The following RBMS3 variants were observed in gnomAD, a reference collection of about 807,000 sequenced individuals.
RBMS3 encodes the protein RNA-binding motif, single-stranded-interacting protein 3.
A neutral mutation model predicts 66.8 loss-of-function variants in RBMS3; 27 were observed. The ratio of observed to expected loss-of-function variants is 0.40; its 90% confidence interval spans 0.30 to 0.56. The LOEUF is 0.56. Among genes scored for constraint, RBMS3 ranks in the 20% least tolerant of loss-of-function variants. The probability of loss-of-function intolerance (pLI) is 0.40; values close to 1 mark genes in which losing one functional copy is unlikely to be tolerated. For synonymous variants in RBMS3, 188 were observed against 183.0 expected (o/e 1.03, Z -0.22); for missense variants, 513 against 549.5 (o/e 0.93, Z 0.66).
intron 5 of RBMS3, among the ~76,000 whole-genome samples, chr3:29,745,898 T>TA (rs3836344): frequency 0.44 from 64,506 of 147,858 alleles, 13,943 homozygotes; most frequent in South Asian, 0.55. Flanking sequence ...TTTCATTAAG[T>TA]AAAAAAAAAA....
chr3:29,914,465 C>G (rs930037715), intron 10 of RBMS3, among the ~76,000 whole-genome samples: 1 of 151,834 alleles, frequency 6.6e-6, no homozygotes, highest in Non-Finnish European at 1.5e-5. Context: ...AATTCGCTCA[C>G]TTTTCATAGT....
At chr3:29,525,912 C>T (rs1017601956) in intron 3 of RBMS3, among the ~76,000 whole-genome samples, 1 of 152,082 alleles carries the variant, frequency 6.6e-6, no homozygotes, top group East Asian at 1.9e-4. Context: ...TGTTTTCCAG[C>T]GATTTTCTGC....
chr3:29,508,855 G>C (rs1311070058), intron 3 of RBMS3, among the ~76,000 whole-genome samples: 2 of 151,436 alleles, frequency 1.3e-5, no homozygotes, highest in Non-Finnish European at 2.9e-5. Flanking sequence ...ATCCTCTCCA[G>C]CATCTGTTGT....
chr3:29,971,103 C>T (rs1414612657), intron 12 of RBMS3, among the ~76,000 whole-genome samples: 1 of 152,014 alleles, frequency 6.6e-6, no homozygotes. Flanking sequence ...TTCTCTCTTC[C>T]CATCTTTCTT....
In RBMS3 at chr3:29,535,639, G is replaced by C. The variant is rs114617406; in HGVS notation, c.307+47140G>C. On this transcript the variant is annotated intron_variant, in intron 3 of 14. Transcript: ENST00000383767. Reference sequence around the variant, plus strand: ...TAGAAGCACTAGTTGTAAAGAATTTGTAAGACCTATAAAACAGATGTCTAT... The same window carrying C: ...TAGAAGCACTAGTTGTAAAGAATTTCTAAGACCTATAAAACAGATGTCTAT... Among the ~76,000 whole-genome samples, 726 of 137,188 alleles carry C rather than the reference G, an allele frequency of 5.3e-3. 1 individual carries two copies. The highest frequency in any genetic ancestry group is 8.0e-3 in the Non-Finnish European group (520 of 65,030). The allele number at this position is 137,188 out of a possible 152,430, so 90.0% of individuals were successfully genotyped here.
intron 4 of RBMS3, chr3:29,696,968 AC>A: frequency 2.1e-6 from 2 of 960,990 alleles, no homozygotes; most frequent in South Asian, 9.8e-5. Flanking sequence ...TTTTGTAGGT[AC>A]CCCTAGTAGT....
intron 3 of RBMS3, among the ~76,000 whole-genome samples, chr3:29,531,491 C>T (rs1179260974): frequency 1.3e-5 from 2 of 152,132 alleles, no homozygotes; most frequent in Non-Finnish European, 2.9e-5. Context: ...TCAATTTTTT[C>T]ACTTCATTTA....
chr3:29,709,605 A>T (rs1343080624), intron 4 of RBMS3, among the ~76,000 whole-genome samples: 2 of 152,168 alleles, frequency 1.3e-5, no homozygotes, highest in Non-Finnish European at 2.9e-5. Flanking sequence ...ATCAGTACTC[A>T]CTGATGCTGC....
chr3:29,962,016 T>A (rs1181578780), intron 12 of RBMS3, among the ~76,000 whole-genome samples: 2 of 146,176 alleles, frequency 1.4e-5, no homozygotes, highest in Non-Finnish European at 3.0e-5. Context: ...TATATATTTT[T>A]ATATATATTT....
chr3:29,746,473 T>C (rs888476118), intron 5 of RBMS3, among the ~76,000 whole-genome samples: 2 of 152,242 alleles, frequency 1.3e-5, no homozygotes, highest in African/African-American at 4.8e-5. Flanking sequence ...GTTGTATGTT[T>C]CATTCTTTTT....
intron 4 of RBMS3, among the ~76,000 whole-genome samples, chr3:29,681,343 T>C (rs570843726): frequency 5.5e-4 from 84 of 152,330 alleles, no homozygotes; most frequent in Non-Finnish European, 1.1e-3. Flanking sequence ...TATTTTTTTT[T>C]CTTCAGCTTT....
At chr3:29,281,836 ATTAG>A in intron 1 of RBMS3, 80 bp downstream of exon 1, 1 of 1,214,474 alleles carries the variant, frequency 8.2e-7, no homozygotes, top group Non-Finnish European at 1.2e-6. Context: ...CGTGTGAATT[ATTAG>A]TTAACCCCCA....
At chr3:29,585,271 G>C (rs1419095119) in intron 3 of RBMS3, among the ~76,000 whole-genome samples, 2 of 152,098 alleles carry the variant, frequency 1.3e-5, no homozygotes, top group Non-Finnish European at 2.9e-5. Flanking sequence ...ACAAATGTAC[G>C]ATTAAATGAG....
rs71091081 is a variant in RBMS3, at chr3:29,853,423, C to CTTTT, written c.638-15416_638-15413dup. Reference sequence around the variant, plus strand: ...TGTATCTTAAGCTACAATTTACTTTCTTTTTTTTTTTTTTTTTTTTTTGCA... The same window carrying CTTTT: ...TGTATCTTAAGCTACAATTTACTTTCTTTTTTTTTTTTTTTTTTTTTTTTTTGCA... On this transcript the variant is annotated intron_variant, in intron 6 of 14. Coordinates refer to ENST00000383767, the MANE Select transcript of RBMS3 (RefSeq NM_001003793.3). 6.4e-3 allele frequency among the ~76,000 whole-genome samples: 544 copies of CTTTT among 84,470 alleles called. 12 individuals carry two copies. The highest frequency in any genetic ancestry group is 0.01 in the African/African-American group (191 of 18,394). The allele number at this position is 84,470 out of a possible 152,430, so 55.4% of individuals were successfully genotyped here.
intron 2 of RBMS3, among the ~76,000 whole-genome samples, chr3:29,480,328 A>G (rs141096633): frequency 4.8e-4 from 73 of 152,336 alleles, no homozygotes; most frequent in African/African-American, 1.7e-3. Context: ...AATGCACATT[A>G]CATTTTGAGA....
chr3:29,551,870 C>A lies in RBMS3; in HGVS notation c.308-35244C>A, dbSNP rs190789145. ...TCCTGTGAACACAGGCCCTTTGCTC[C>A]TGGAAAAGAAAGATAGAAAGGTTTG... On this transcript the variant is annotated intron_variant, in intron 3 of 14. Transcript: ENST00000383767. Among the ~76,000 whole-genome samples, 192 of 152,224 alleles carry A rather than the reference C, an allele frequency of 1.3e-3. 1 individual carries two copies. The highest frequency in any genetic ancestry group is 4.3e-3 in the African/African-American group (179 of 41,548).
At chr3:29,760,271 A>ACC (rs1491254737) in intron 5 of RBMS3, among the ~76,000 whole-genome samples, 1 of 128,234 alleles carries the variant, frequency 7.8e-6, no homozygotes, top group Non-Finnish European at 1.7e-5. Context: ...ACACACACAT[A>ACC]CACACACACA....
chr3:29,378,017 A>T (rs1468989902), intron 1 of RBMS3, among the ~76,000 whole-genome samples: 1 of 152,138 alleles, frequency 6.6e-6, no homozygotes, highest in Non-Finnish European at 1.5e-5. Flanking sequence ...AATTCCTCTT[A>T]TTGAGCATTG....
intron 12 of RBMS3, among the ~76,000 whole-genome samples, chr3:29,952,977 C>G (rs1695781358): frequency 6.6e-6 from 1 of 151,784 alleles, no homozygotes; most frequent in African/African-American, 2.4e-5. Context: ...AGGGTTGAAG[C>G]CTACTAGCCA....
Sources: gnomAD v4.1 joint callset for allele counts (sites outside exome capture counted in the v4.1 genomes callset) on GRCh38, gnomAD v4.1.1 for gene constraint, MANE v1.5 for transcripts, NCBI Gene and HGNC (gene_info 2026-07-23, HGNC 2026-07-21) for gene names.